The following ANXA8 variants were observed in gnomAD, a reference collection of about 807,000 sequenced individuals.
ANXA8 encodes VAC-beta.
ANXA8 carries 9 observed loss-of-function variants against 26.8 expected under a neutral mutation model. The observed-to-expected ratio is 0.34, with a 90% CI of 0.20 to 0.59. The LOEUF is 0.59. Among genes scored for constraint, ANXA8 ranks in the 20% least tolerant of loss-of-function variants. The probability of loss-of-function intolerance (pLI) is 0.84; values close to 1 mark genes in which losing one functional copy is unlikely to be tolerated. For synonymous variants in ANXA8, 39 were observed against 94.8 expected (o/e 0.41, Z 3.42); for missense variants, 83 against 238.5 (o/e 0.35, Z 4.29).
intron 1 of ANXA8, 120 bp downstream of exon 1, chr10:47,483,793 G>A: frequency 6.2e-7 from 1 of 1,607,120 alleles, no homozygotes. Context: ...GGCCCAGGAG[G>A]CAGCCAAATG....
chr10:47,918,379 G>A, the ANXA8 span, among the ~76,000 whole-genome samples: 778 of 12,320 alleles, frequency 0.063, 21 homozygotes, highest in African/African-American at 0.25. Flanking sequence ...GAGAGAGAGA[G>A]AGAGAGAAAG....
the ANXA8 span, among the ~76,000 whole-genome samples, chr10:47,918,417 GA>G: frequency 3.0e-5 from 1 of 33,808 alleles, no homozygotes. Flanking sequence ...AAGAAAGAAA[GA>G]AAGAAAGAAA....
the ANXA8 span, among the ~76,000 whole-genome samples, chr10:47,937,292 G>C: frequency 6.7e-6 from 1 of 149,404 alleles, no homozygotes; most frequent in Non-Finnish European, 1.5e-5. Context: ...ACACAGAGAG[G>C]TCTGGAAGTC....
the ANXA8 span, among the ~76,000 whole-genome samples, chr10:47,682,021 A>G: frequency 6.6e-6 from 1 of 150,698 alleles, no homozygotes; most frequent in Middle Eastern, 3.4e-3. Flanking sequence ...TAGCTTCATT[A>G]CACAGACCTG....
At chr10:47,755,410 C>G in the ANXA8 span, among the ~76,000 whole-genome samples, 1 of 152,222 alleles carries the variant, frequency 6.6e-6, no homozygotes, top group Non-Finnish European at 1.5e-5. Flanking sequence ...CGCCAGCCAC[C>G]ACACCCAGCT....
chr10:47,968,826 C>G, the ANXA8 span, among the ~76,000 whole-genome samples: 18 of 147,050 alleles, frequency 1.2e-4, no homozygotes, highest in Non-Finnish European at 2.3e-4. Flanking sequence ...ATTACCCAAG[C>G]AAAATCATGG....
the ANXA8 span, among the ~76,000 whole-genome samples, chr10:47,949,235 A>G: frequency 8.5e-5 from 12 of 140,838 alleles, no homozygotes; most frequent in African/African-American, 3.5e-4. Context: ...CTCTAATCTG[A>G]TTACACTTTA....
Position 47,483,902 on chromosome 10 carries a change from C to G in ANXA8, c.21+11G>C. ...TGCAGGAACCCAAATCTCCTGCCAG[C>G]TCCCACTTACCCAGGATTTCCACCA... On this transcript the variant is annotated intron_variant, in intron 1 of 11. Transcript: ENST00000585281. The G allele has an allele frequency of 6.2e-7, 1 of 1,611,770 alleles. No individual in the cohort carries two copies. Among genetic ancestry groups the G allele is most frequent in the Non-Finnish European group, 8.5e-7 (1 of 1,179,852 alleles).
the ANXA8 span, among the ~76,000 whole-genome samples, chr10:47,673,493 T>C: frequency 3.4e-5 from 5 of 147,208 alleles, no homozygotes; most frequent in Non-Finnish European, 7.4e-5. Context: ...CTTCACAGAA[T>C]GTAAGGAAGC....
the ANXA8 span, among the ~76,000 whole-genome samples, chr10:47,982,939 A>G: frequency 8.7e-6 from 1 of 114,910 alleles, no homozygotes; most frequent in Non-Finnish European, 1.8e-5. Flanking sequence ...TTGAATAAAT[A>G]TTTGTCCAAA....
chr10:47,483,247 AAC>A lies in ANXA8; in HGVS notation c.21+664_21+665del, dbSNP rs1357417528. On this transcript the variant is annotated intron_variant, in intron 1 of 11. Transcript: ENST00000585281. ...CTTCCCTCTCCAGTCTTGACAAATG[AAC>A]ATCATTGATCCCTGAGGTGAAGGCA... Among the ~76,000 whole-genome samples the A allele has an allele frequency of 1.5e-3, 223 of 147,660 alleles. 3 individuals carry two copies. The highest frequency in any genetic ancestry group is 5.5e-3 in the African/African-American group (214 of 39,208).
the ANXA8 span, among the ~76,000 whole-genome samples, chr10:47,595,416 A>C: frequency 6.8e-6 from 1 of 148,128 alleles, no homozygotes; most frequent in Non-Finnish European, 1.5e-5. Context: ...TATCAATGTT[A>C]ACCTTGAACA....
At chr10:47,618,598 T>C in the ANXA8 span, among the ~76,000 whole-genome samples, 2 of 115,016 alleles carry the variant, frequency 1.7e-5, no homozygotes, top group Non-Finnish European at 3.8e-5. Flanking sequence ...TTATATAGGT[T>C]ATCCATTAAA....
At chr10:47,738,938 T>C in the ANXA8 span, among the ~76,000 whole-genome samples, 1 of 151,456 alleles carries the variant, frequency 6.6e-6, no homozygotes, top group Non-Finnish European at 1.5e-5. Context: ...CATCCCCTCA[T>C]GTCTCACATG....
At chr10:47,671,568 T>C in the ANXA8 span, among the ~76,000 whole-genome samples, 1 of 151,912 alleles carries the variant, frequency 6.6e-6, no homozygotes, top group Non-Finnish European at 1.5e-5. Flanking sequence ...TGTTCTAAGT[T>C]TTTTTCGTGA....
At chr10:47,953,550 C>T in the ANXA8 span, among the ~76,000 whole-genome samples, 11 of 150,802 alleles carry the variant, frequency 7.3e-5, no homozygotes, top group East Asian at 2.2e-3. Flanking sequence ...ACTATACAAA[C>T]CAGAAATTTC....
At chr10:47,691,198 A>G in the ANXA8 span, 1 of 1,527,528 alleles carries the variant, frequency 6.5e-7, no homozygotes, top group South Asian at 1.1e-5. Flanking sequence ...GGGCATTTAC[A>G]GTGTTTCTTG....
chr10:47,896,867 C>T, the ANXA8 span, among the ~76,000 whole-genome samples: 1 of 151,962 alleles, frequency 6.6e-6, no homozygotes, highest in Admixed American at 6.6e-5. Context: ...CAATTGAATA[C>T]CAGCACCAAG....
chr10:47,566,489 A>G, the ANXA8 span, among the ~76,000 whole-genome samples: 1 of 149,962 alleles, frequency 6.7e-6, no homozygotes, highest in Admixed American at 6.6e-5. Flanking sequence ...CCCCAAAGCC[A>G]TAGGCTGGGG....
Sources: gnomAD v4.1 joint callset for allele counts (sites outside exome capture counted in the v4.1 genomes callset) on GRCh38, gnomAD v4.1.1 for gene constraint, MANE v1.5 for transcripts, NCBI Gene and HGNC (gene_info 2026-07-23, HGNC 2026-07-21) for gene names.